The following IST1 variants were observed in gnomAD, a reference collection of about 807,000 sequenced individuals.
IST1 encodes IST1 homolog.
IST1 carries 23 observed loss-of-function variants against 37.0 expected under a neutral mutation model. That is an observed-to-expected ratio of 0.62 (90% CI 0.45 to 0.88). The LOEUF is 0.88. Among genes scored for constraint, IST1 ranks in the 40% least tolerant of loss-of-function variants. The pLI is 0.00. For missense variants in IST1, 488 were observed against 445.4 expected (o/e 1.10, Z -0.86); for synonymous variants, 180 against 161.7 (o/e 1.11, Z -0.86).
intron 1 of IST1, among the ~76,000 whole-genome samples, chr16:71,907,302 G>GTC (rs976314027): frequency 5.0e-5 from 7 of 141,040 alleles, no homozygotes; most frequent in Admixed American, 7.3e-5. Context: ...TTTTGAGACA[G>GTC]TCTCTCTCTC....
intron 4 of IST1, among the ~76,000 whole-genome samples, chr16:71,919,553 A>C (rs966387672): frequency 6.6e-6 from 1 of 152,154 alleles, no homozygotes; most frequent in Non-Finnish European, 1.5e-5. Context: ...TGCCCAGCTA[A>C]TTTTTGTATC....
At chr16:71,899,938 A>G (rs2142522971) in intron 1 of IST1, among the ~76,000 whole-genome samples, 1 of 148,134 alleles carries the variant, frequency 6.8e-6, no homozygotes, top group African/African-American at 2.5e-5. Context: ...CAGAGGTAGT[A>G]GTGAGCCAAG....
intron 1 of IST1, among the ~76,000 whole-genome samples, chr16:71,896,073 C>T (rs1422598583): frequency 3.9e-5 from 6 of 152,220 alleles, no homozygotes; most frequent in Non-Finnish European, 7.3e-5. Flanking sequence ...GGGCTTGTTC[C>T]TGGGTTGGGG....
intron 1 of IST1, among the ~76,000 whole-genome samples, chr16:71,911,972 T>C (rs1567466393): frequency 6.6e-6 from 1 of 152,048 alleles, no homozygotes; most frequent in Non-Finnish European, 1.5e-5. Flanking sequence ...CCCAAAGTGT[T>C]GGGATTACAG....
chr16:71,924,521 G>A lies in IST1; in HGVS notation c.853-248G>A, dbSNP rs1159401371. 19 of 573,094 alleles carry A rather than the reference G, an allele frequency of 3.3e-5. No individual in the cohort carries two copies. In the East Asian group the frequency reaches 3.8e-4, roughly 11 times the overall value. The allele number at this position is 573,094 out of a possible 1,614,324, so 35.5% of individuals were successfully genotyped here. A position where few individuals can be genotyped will look rare whatever the true frequency, so the allele number is the denominator to read the frequency against. On this transcript the variant is annotated intron_variant, in intron 8 of 9. Transcript: ENST00000378799. ...CGGGGCAATGGCTGGAGGCCAGGAAGTGGAGGCTGTGGTGAGCCGTGATTG... is the reference window on the plus strand; with the variant it reads ...CGGGGCAATGGCTGGAGGCCAGGAAATGGAGGCTGTGGTGAGCCGTGATTG...
chr16:71,922,977 C>A (rs1446320706), intron 7 of IST1: 3 of 492,464 alleles, frequency 6.1e-6, no homozygotes, highest in Non-Finnish European at 1.1e-5. Context: ...AATGAATAAA[C>A]CACCAATTAT....
In IST1 at chr16:71,930,297, A is replaced by AACTT; in HGVS notation, c.*2486_*2489dup. 1 of 1,101,854 alleles carries AACTT rather than the reference A, an allele frequency of 9.1e-7. No homozygotes were observed. Among genetic ancestry groups the AACTT allele is most frequent in the Non-Finnish European group, 1.2e-6 (1 of 816,152 alleles). The allele number at this position is 1,101,854 out of a possible 1,614,324, so 68.3% of individuals were successfully genotyped here. A position where few individuals can be genotyped will look rare whatever the true frequency, so the allele number is the denominator to read the frequency against. ...TCAGAAGAAAAGCTTATCCGAAGGAAACTTAGGGAGAGAGTCAAAAGATAA... is the reference window on the plus strand; with the variant it reads ...TCAGAAGAAAAGCTTATCCGAAGGAAACTTACTTAGGGAGAGAGTCAAAAGATAA... On this transcript the variant is annotated 3_prime_UTR_variant, in exon 10 of 10. Coordinates refer to ENST00000378799, the MANE Select transcript of IST1 (RefSeq NM_001270975.2).
At chr16:71,924,702 G>A (rs1350520663) in intron 8 of IST1, 67 bp from the exon 9 acceptor site, 20 of 1,226,050 alleles carry the variant, frequency 1.6e-5, no homozygotes, top group Middle Eastern at 3.7e-4. Flanking sequence ...AAACACAGGG[G>A]CTTACACCAG....
rs372238986 is a variant in IST1, at chr16:71,927,685, C to T, written c.973C>T (p.Leu325=). The T allele has an allele frequency of 1.1e-5, 17 of 1,613,638 alleles. No homozygotes were observed. Among genetic ancestry groups the T allele is most frequent in the Middle Eastern group, 3.3e-4 (2 of 6,078 alleles). Residue 325 remains leucine, a synonymous_variant, in exon 10 of 10, where the codon CTA becomes TTA. Coordinates refer to ENST00000378799, the MANE Select transcript of IST1 (RefSeq NM_001270975.2). ...RPADNYDNFV[L]PELPSVPDTL... is the part of the protein sequence containing the mutation. ...TGCAGATAACTATGACAACTTTGTC[C>T]TACCAGAGTTGCCATCTGTGCCAGA...
At chr16:71,907,398 C>T (rs914526149) in intron 1 of IST1, among the ~76,000 whole-genome samples, 12 of 151,940 alleles carry the variant, frequency 7.9e-5, no homozygotes, top group African/African-American at 1.9e-4. Context: ...CTGCCTCAGC[C>T]TCCCGAGTAG....
chr16:71,918,503 G>C lies in IST1; in HGVS notation c.357+1369G>C, dbSNP rs1389103621. 2.0e-5 allele frequency among the ~76,000 whole-genome samples: 3 copies of C among 149,692 alleles called. No homozygotes were observed. In the East Asian group the frequency reaches 5.9e-4, roughly 30 times the overall value. On this transcript the variant is annotated intron_variant, in intron 4 of 9. Transcript: ENST00000378799. ...ACAATTTTGGCTCACTGCAACCTCT[G>C]CCTCCTGGGTTGAAGCGATTCTTTT...
intron 9 of IST1, among the ~76,000 whole-genome samples, chr16:71,926,330 A>C (rs1367163984): frequency 6.6e-6 from 1 of 151,902 alleles, no homozygotes; most frequent in Admixed American, 6.6e-5. Flanking sequence ...GATACAATTT[A>C]CATTTTAAAA....
chr16:71,898,676 AAAC>A (rs988173026), intron 1 of IST1, among the ~76,000 whole-genome samples: 8 of 150,488 alleles, frequency 5.3e-5, no homozygotes, highest in African/African-American at 1.9e-4. Flanking sequence ...AAAAAAAAAA[AAAC>A]AAAAAAGGAA....
intron 1 of IST1, among the ~76,000 whole-genome samples, chr16:71,914,162 G>T (rs966881216): frequency 1.3e-5 from 2 of 150,422 alleles, no homozygotes; most frequent in African/African-American, 4.9e-5. Flanking sequence ...TGAGGACAGG[G>T]GTTGTACCTT....
rs953482932 is a variant in IST1, at chr16:71,922,912, G to C, written c.759+232G>C. On this transcript the variant is annotated intron_variant, in intron 7 of 9. Transcript: ENST00000378799. ...GTGCTAGAAAAACACTTTTCATATA[G>C]GTTTACTGAATATCTTTGGGATCTG... The C allele has an allele frequency of 1.7e-5, 10 of 578,366 alleles. No homozygotes were observed. In the Admixed American group the frequency reaches 2.5e-4, roughly 15 times the overall value. The allele number at this position is 578,366 out of a possible 1,614,324, so 35.8% of individuals were successfully genotyped here. A position where few individuals can be genotyped will look rare whatever the true frequency, so the allele number is the denominator to read the frequency against.
intron 4 of IST1, among the ~76,000 whole-genome samples, chr16:71,917,801 A>AT (rs1168584435): frequency 6.6e-6 from 1 of 151,264 alleles, no homozygotes; most frequent in Non-Finnish European, 1.5e-5. Flanking sequence ...TTCTCTGAAT[A>AT]TTTTTTATGG....
At chr16:71,921,295 G>A (rs553239269) in intron 5 of IST1, 48 bp from the exon 6 acceptor site, 1 of 1,108,592 alleles carries the variant, frequency 9.0e-7, no homozygotes, top group Non-Finnish European at 1.4e-6. Flanking sequence ...GTGAGGATTA[G>A]GCTGGTTGGT....
rs1479742413 is a variant in IST1, at chr16:71,928,056, C to G, written c.*243C>G. The G allele has an allele frequency of 2.1e-6, 1 of 476,382 alleles. No individual in the cohort carries two copies. Among genetic ancestry groups the G allele is most frequent in the African/African-American group, 2.0e-5 (1 of 50,846 alleles). 29.5% of individuals were successfully genotyped at this position (476,382 alleles called of 1,614,324 possible). On this transcript the variant is annotated 3_prime_UTR_variant, in exon 10 of 10. Coordinates refer to ENST00000378799, the MANE Select transcript of IST1 (RefSeq NM_001270975.2). ...TCCTGGCAGCTGTGCTTGTCCGTTTCCTGTCAGAGTGATCCCAGGTTTCCT... is the reference window on the plus strand; with the variant it reads ...TCCTGGCAGCTGTGCTTGTCCGTTTGCTGTCAGAGTGATCCCAGGTTTCCT...
At chr16:71,924,463 T>C (rs1185204991) in intron 8 of IST1, 1 of 500,512 alleles carries the variant, frequency 2.0e-6, no homozygotes, top group Non-Finnish European at 3.6e-6. Context: ...TAGTGCTGCA[T>C]GCCTGTGGTC....
Sources: allele counts gnomAD v4.1 joint callset (sites outside exome capture counted in the v4.1 genomes callset), GRCh38; gene constraint gnomAD v4.1.1; transcripts MANE v1.5; gene names NCBI Gene and HGNC (gene_info 2026-07-23, HGNC 2026-07-21).